TMEM245: variants seen among roughly 807,000 people sequenced by gnomAD.
TMEM245 encodes protein CG-2.
A neutral mutation model predicts 101.2 loss-of-function variants in TMEM245; 69 were observed. The ratio of observed to expected loss-of-function variants is 0.68; its 90% CI spans 0.56 to 0.83. TMEM245 has a LOEUF of 0.83. Ranked by LOEUF, TMEM245 falls within the 40% of genes least tolerant of loss-of-function variation. The probability of loss-of-function intolerance (pLI) is 0.00; values close to 1 mark genes in which losing one functional copy is unlikely to be tolerated. For synonymous variants in TMEM245, 537 were observed against 449.8 expected (o/e 1.19, Z -2.45); for missense variants, 1,075 against 1,092.8 (o/e 0.98, Z 0.23).
chr9:109,119,601 C>A lies in TMEM245; in HGVS notation c.313G>T (p.Gly105Cys). The A allele has an allele frequency of 6.4e-7, 1 of 1,554,754 alleles. No individual in the cohort carries two copies. The highest frequency in any genetic ancestry group is 8.7e-7 in the Non-Finnish European group (1 of 1,153,994). The change falls in exon 1 of 18, where the codon GGC (glycine) becomes TGC (cysteine). Residue 105 changes from glycine (G) to cysteine (C), a missense_variant. Gly to Cys is a radical substitution (Grantham distance 159). Coordinates refer to ENST00000374586, the MANE Select transcript of TMEM245 (RefSeq NM_032012.4). The stretch of plus-strand genomic sequence containing the variant: ...TGCAGGCGCTGCAGCCAGTGGCGGC[C>A]CAGGCGCGTCAGCGAGCTCTTGAAG... ...HPFKSSLTRLGRHWLQRLHRA... is the reference protein window; with the variant it reads ...HPFKSSLTRLCRHWLQRLHRA...
chr9:109,030,252 T>C (rs1233232363), intron 17 of TMEM245, among the ~76,000 whole-genome samples: 2 of 110,190 alleles, frequency 1.8e-5, no homozygotes, highest in African/African-American at 3.8e-5. Flanking sequence ...AAAGTCCTTA[T>C]TGTCCTTATT....
At chr9:109,050,230 T>G in intron 14 of TMEM245, 53 bp downstream of exon 14, 1 of 1,603,078 alleles carries the variant, frequency 6.2e-7, no homozygotes, top group Non-Finnish European at 8.5e-7. Context: ...AACAGGCTTA[T>G]CATGGAAAAA....
At chr9:109,048,188 AT>A (rs1331508320) in intron 14 of TMEM245, among the ~76,000 whole-genome samples, 1 of 151,940 alleles carries the variant, frequency 6.6e-6, no homozygotes, top group East Asian at 1.9e-4. Flanking sequence ...TGTTAAGAGC[AT>A]TTTTTTTAAT....
rs146409298 is a variant in TMEM245 at position 109,060,774 on chromosome 9, G to A, written c.1624-322C>T. Among the ~76,000 whole-genome samples, 1,346 of 152,222 alleles carry A rather than the reference G, an allele frequency of 8.8e-3. 10 individuals carry two copies. The highest frequency in any genetic ancestry group is 0.013 in the Non-Finnish European group (889 of 68,014). ...CTGTCCAGAGAAAAATCTTTCCCCT[G>A]TAATCCCAGTGACCTTCCATTATAC... On this transcript the variant is annotated intron_variant, in intron 10 of 17. Transcript: ENST00000374586.
intron 14 of TMEM245, among the ~76,000 whole-genome samples, chr9:109,049,556 G>T (rs1322965626): frequency 2.0e-5 from 3 of 152,110 alleles, no homozygotes; most frequent in Non-Finnish European, 2.9e-5. Flanking sequence ...GCCGGGCATG[G>T]TGGCTTATGC....
chr9:109,043,784 G>A (rs1396375158), intron 14 of TMEM245, among the ~76,000 whole-genome samples: 1 of 152,058 alleles, frequency 6.6e-6, no homozygotes, highest in East Asian at 1.9e-4. Flanking sequence ...ATGTTCTCCT[G>A]TCCCATACTA....
At chr9:109,081,045 A>G in intron 7 of TMEM245, 102 bp from the exon 8 acceptor site, 4 of 747,818 alleles carry the variant, frequency 5.3e-6, no homozygotes, top group Non-Finnish European at 8.9e-6. Flanking sequence ...CCAGCATGGC[A>G]AAGCAAATTA....
chr9:109,062,181 T>C (rs1829036968), intron 10 of TMEM245, among the ~76,000 whole-genome samples: 1 of 151,860 alleles, frequency 6.6e-6, no homozygotes, highest in Admixed American at 6.6e-5. Flanking sequence ...AATTTTCTTA[T>C]TTTTTGTAGA....
Position 109,106,616 on chromosome 9 carries a change from A to G in TMEM245, c.698-7T>C. On this transcript the variant is annotated splice_region_variant and splice_polypyrimidine_tract_variant and intron_variant, in intron 2 of 17. Coordinates refer to ENST00000374586, the MANE Select transcript of TMEM245 (RefSeq NM_032012.4). ...CATGAGCCAGCCAGGGATGCTGCAA[A>G]TTATTAAGAATTAACATTTTTAGTG... is the stretch of plus-strand genomic sequence containing the variant. 6.3e-7 allele frequency: 1 copy of G among 1,589,538 alleles called. No homozygotes were observed. Among genetic ancestry groups the G allele is most frequent in the South Asian group, 1.1e-5 (1 of 88,332 alleles).
At chr9:109,023,392 ACT>A (rs1827692533) in intron 17 of TMEM245, among the ~76,000 whole-genome samples, 1 of 152,158 alleles carries the variant, frequency 6.6e-6, no homozygotes, top group Admixed American at 6.5e-5. Flanking sequence ...TAAAACTATA[ACT>A]CTCTACGTTA....
At chr9:109,086,142 A>G in intron 6 of TMEM245, 122 bp from the exon 7 acceptor site, 1 of 994,358 alleles carries the variant, frequency 1.0e-6, no homozygotes, top group Non-Finnish European at 1.5e-6. Context: ...AGACAAAGGA[A>G]AAACTAGGGA....
chr9:109,093,719 T>G (rs981543443), intron 3 of TMEM245, 128 bp from the exon 4 acceptor site: 2 of 760,542 alleles, frequency 2.6e-6, no homozygotes, highest in Middle Eastern at 2.8e-4. Context: ...GAATAAGTGG[T>G]TCTTCACCAA....
chr9:109,065,444 C>A (rs1177136496), intron 9 of TMEM245, among the ~76,000 whole-genome samples: 1 of 152,116 alleles, frequency 6.6e-6, no homozygotes, highest in Non-Finnish European at 1.5e-5. Context: ...GTGAAGAAAT[C>A]AGAAAGAATG....
intron 3 of TMEM245, among the ~76,000 whole-genome samples, chr9:109,098,313 G>A (rs1180395737): frequency 6.6e-6 from 1 of 152,088 alleles, no homozygotes; most frequent in Non-Finnish European, 1.5e-5. Flanking sequence ...TACATCAATG[G>A]AAACTGCACT....
At chr9:109,102,295 A>G (rs1038065526) in intron 3 of TMEM245, among the ~76,000 whole-genome samples, 2 of 152,188 alleles carry the variant, frequency 1.3e-5, no homozygotes, top group African/African-American at 4.8e-5. Context: ...CCACTGTCAG[A>G]GAGATATATA....
At position 109,050,274 on chromosome 9, in the gene TMEM245, T is replaced by A. The variant is rs775560320; in HGVS notation, c.2123+9A>T. 2.5e-6 allele frequency: 4 copies of A among 1,613,674 alleles called. No homozygotes were observed. The highest frequency in any genetic ancestry group is 1.7e-5 in the Admixed American group (1 of 59,932). ...GGAGAAATAAGAATAGCATAAACCT[T>A]ATCCCTACCTGATAGCTTCTTCCAC... On this transcript the variant is annotated intron_variant, in intron 14 of 17. Coordinates refer to ENST00000374586, the MANE Select transcript of TMEM245 (RefSeq NM_032012.4).
rs1466865398 is a variant in TMEM245 at position 109,019,828 on chromosome 9, G to A, written c.*632C>T. The A allele has an allele frequency of 2.6e-5, 4 of 152,490 alleles. No individual in the cohort carries two copies. In the East Asian group the frequency reaches 7.7e-4, roughly 29 times the overall value. 9.4% of individuals were successfully genotyped at this position (152,490 alleles called of 1,614,324 possible). ...TAAAGAAGCGTGAAGAGAAAAGGAA[G>A]AGGAGGAAGAGCTTCAGTCTTTGTA... On this transcript the variant is annotated 3_prime_UTR_variant, in exon 18 of 18. Transcript: ENST00000374586.
At chr9:109,116,635 G>C (rs1019103371) in intron 1 of TMEM245, among the ~76,000 whole-genome samples, 3 of 151,962 alleles carry the variant, frequency 2.0e-5, no homozygotes, top group Non-Finnish European at 1.5e-5. Flanking sequence ...GGGTTCAAGA[G>C]ATTGCCTCAG....
chr9:109,084,646 C>T (rs1829781629), intron 7 of TMEM245, among the ~76,000 whole-genome samples: 1 of 152,174 alleles, frequency 6.6e-6, no homozygotes, highest in East Asian at 1.9e-4. Context: ...TGCCACTGCT[C>T]CAGCCTGAGC....
Sources: gnomAD v4.1 joint callset for allele counts (sites outside exome capture counted in the v4.1 genomes callset) on GRCh38, gnomAD v4.1.1 for gene constraint, MANE v1.5 for transcripts, NCBI Gene and HGNC (gene_info 2026-07-23, HGNC 2026-07-21) for gene names.